Variants in ABI3BP observed in about 807,000 individuals in gnomAD.
The protein encoded by ABI3BP is target of Nesh-SH3.
A neutral mutation model predicts 268.6 loss-of-function variants in ABI3BP; 216 were observed. That is an observed-to-expected ratio of 0.80 (90% CI 0.72 to 0.90). The LOEUF is 0.90. Among genes scored for constraint, ABI3BP ranks in the 40% least tolerant of loss-of-function variants. ABI3BP has a pLI of 0.00. For synonymous variants in ABI3BP, 730 were observed against 730.0 expected (o/e 1.00, Z 0.00); for missense variants, 2,090 against 2,182.4 (o/e 0.96, Z 0.84).
At chr3:100,915,777 C>G (rs1418110729) in intron 2 of ABI3BP, among the ~76,000 whole-genome samples, 1 of 152,198 alleles carries the variant, frequency 6.6e-6, no homozygotes, top group South Asian at 2.1e-4. Flanking sequence ...CTGACCCTTC[C>G]ACTTCCAGTG....
At chr3:100,762,775 G>A (rs759424779) in intron 63 of ABI3BP, among the ~76,000 whole-genome samples, 57 of 152,126 alleles carry the variant, frequency 3.7e-4, no homozygotes, top group Non-Finnish European at 7.8e-4. Context: ...CGGAGGCTAG[G>A]ATCTATTGAA....
chr3:100,757,493 T>A (rs1467746567), intron 63 of ABI3BP, among the ~76,000 whole-genome samples: 2 of 152,178 alleles, frequency 1.3e-5, no homozygotes, highest in South Asian at 4.1e-4. Flanking sequence ...CCTTCAAAAG[T>A]CTTCATTATA....
intron 62 of ABI3BP, among the ~76,000 whole-genome samples, chr3:100,769,780 C>T (rs1360753350): frequency 6.6e-6 from 1 of 152,190 alleles, no homozygotes; most frequent in African/African-American, 2.4e-5. Flanking sequence ...CCATGGGTAG[C>T]AGTGGGTTCT....
chr3:100,815,009 A>C (rs7652397), intron 44 of ABI3BP, among the ~76,000 whole-genome samples: 26,705 of 152,086 alleles, frequency 0.18, 2,494 homozygotes, highest in East Asian at 0.27. Context: ...ATTCAAGTGC[A>C]ATGGGCTAAG....
intron 62 of ABI3BP, among the ~76,000 whole-genome samples, chr3:100,766,924 C>A (rs1468575423): frequency 6.6e-6 from 1 of 152,130 alleles, no homozygotes; most frequent in Non-Finnish European, 1.5e-5. Flanking sequence ...TAGCACTGAG[C>A]CCAGTGGTAT....
At chr3:100,976,446 C>T (rs1172678863) in intron 1 of ABI3BP, among the ~76,000 whole-genome samples, 2 of 152,172 alleles carry the variant, frequency 1.3e-5, no homozygotes, top group Admixed American at 6.5e-5. Flanking sequence ...AAGCCCAGTT[C>T]AGCTGTATTC....
At chr3:100,836,979 A>G in intron 27 of ABI3BP, 145 bp downstream of exon 27, 1 of 686,598 alleles carries the variant, frequency 1.5e-6, no homozygotes, top group South Asian at 2.1e-5. Flanking sequence ...GATGTTAAAA[A>G]GGCCCCTGTT....
chr3:100,992,016 G>T (rs1355796334), intron 1 of ABI3BP, among the ~76,000 whole-genome samples: 1 of 152,062 alleles, frequency 6.6e-6, no homozygotes, highest in East Asian at 1.9e-4. Context: ...TCCATTAGTA[G>T]GTACAATTAA....
chr3:100,973,900 G>T (rs1224568523), intron 1 of ABI3BP, among the ~76,000 whole-genome samples: 1 of 152,122 alleles, frequency 6.6e-6, no homozygotes, highest in Non-Finnish European at 1.5e-5. Flanking sequence ...TATCTCATCT[G>T]ATAAGAAATT....
chr3:100,944,099 C>G (rs909675374), intron 1 of ABI3BP, among the ~76,000 whole-genome samples: 1 of 152,064 alleles, frequency 6.6e-6, no homozygotes, highest in East Asian at 1.9e-4. Context: ...ACACCTTTCC[C>G]TCTCACTCCC....
intron 61 of ABI3BP, among the ~76,000 whole-genome samples, chr3:100,772,350 TTTC>T (rs2096569927): frequency 6.6e-6 from 1 of 152,312 alleles, no homozygotes; most frequent in South Asian, 2.1e-4. Flanking sequence ...ACACAATGTT[TTTC>T]TTATTATTTA....
chr3:100,830,577 C>A lies in ABI3BP; in HGVS notation c.2458+1G>T. Reference sequence around the variant, plus strand: ...TGTTGATGGACATAATGTGCCATTACCTGCTGTTGTCCCTGAAGCCTCAGT... The same window carrying A: ...TGTTGATGGACATAATGTGCCATTAACTGCTGTTGTCCCTGAAGCCTCAGT... On this transcript the variant is annotated splice_donor_variant, in intron 32 of 67. Coordinates refer to ENST00000471714, the MANE Select transcript of ABI3BP (RefSeq NM_001375547.2). LOFTEE classifies it high-confidence loss of function. The A allele has an allele frequency of 1.3e-6, 2 of 1,533,668 alleles. No homozygotes were observed. Among genetic ancestry groups the A allele is most frequent in the Non-Finnish European group, 8.7e-7 (1 of 1,145,308 alleles).
chr3:100,915,267 T>G (rs986682381), intron 2 of ABI3BP, among the ~76,000 whole-genome samples: 2 of 152,100 alleles, frequency 1.3e-5, no homozygotes, highest in African/African-American at 2.4e-5. Flanking sequence ...TCCCTGCAGG[T>G]CTGCCATCCC....
At chr3:100,834,807 G>T in intron 28 of ABI3BP, 34 bp from the exon 29 acceptor site, 1 of 1,522,712 alleles carries the variant, frequency 6.6e-7, no homozygotes, top group South Asian at 1.2e-5. Flanking sequence ...GTAGTCATAT[G>T]ACTCCAGAAA....
chr3:100,937,973 GA>G (rs1167902885), intron 1 of ABI3BP, among the ~76,000 whole-genome samples: 9 of 152,076 alleles, frequency 5.9e-5, no homozygotes, highest in Admixed American at 5.9e-4. Context: ...TCTTAAAAAA[GA>G]ACAAGAGTAA....
chr3:100,991,439 T>G lies in ABI3BP; in HGVS notation c.79+1867A>C, dbSNP rs1170861482. 3.9e-5 allele frequency among the ~76,000 whole-genome samples: 6 copies of G among 152,302 alleles called. No homozygotes were observed. In the South Asian group the frequency reaches 6.2e-4, roughly 16 times the overall value. On this transcript the variant is annotated intron_variant, in intron 1 of 67. Transcript: ENST00000471714. ...GAAACAAAAAGTTGTACAGGTTTCT[T>G]TATTGAGAATGTGCAAACTGCTAAC...
intron 63 of ABI3BP, among the ~76,000 whole-genome samples, chr3:100,758,019 A>G (rs564351069): frequency 6.6e-6 from 1 of 152,188 alleles, no homozygotes; most frequent in Non-Finnish European, 1.5e-5. Context: ...TTTTGGCCCC[A>G]TCTAGGACAA....
chr3:100,820,729 C>G (rs2098193272), intron 39 of ABI3BP, among the ~76,000 whole-genome samples: 1 of 152,066 alleles, frequency 6.6e-6, no homozygotes, highest in African/African-American at 2.4e-5. Flanking sequence ...TCTGGTATCA[C>G]AATCATGTTA....
chr3:100,762,722 A>C (rs2096042725), intron 63 of ABI3BP, among the ~76,000 whole-genome samples: 1 of 152,202 alleles, frequency 6.6e-6, no homozygotes, highest in Non-Finnish European at 1.5e-5. Flanking sequence ...TGAATCTCTG[A>C]CATACCTGGT....
Sources: allele counts gnomAD v4.1 joint callset (sites outside exome capture counted in the v4.1 genomes callset), GRCh38; gene constraint gnomAD v4.1.1; transcripts MANE v1.5; gene names NCBI Gene and HGNC (gene_info 2026-07-23, HGNC 2026-07-21).